Variants in ITIH5 observed in about 807,000 individuals in gnomAD.
ITIH5 encodes the protein inter-alpha-trypsin inhibitor heavy chain 5, also known as inter-alpha-trypsin inhibitor heavy chain H5.
A neutral mutation model predicts 77.5 loss-of-function variants in ITIH5; 65 were observed. That is an observed-to-expected ratio of 0.84 (90% CI 0.69 to 1.03). The LOEUF (loss-of-function observed/expected upper bound fraction) is 1.03. ITIH5 is among the 50% of genes least tolerant of loss of function. The pLI is 0.00. For synonymous variants in ITIH5, 525 were observed against 494.3 expected (o/e 1.06, Z -0.82); for missense variants, 1,208 against 1,213.1 (o/e 1.00, Z 0.06).
intron 2 of ITIH5, among the ~76,000 whole-genome samples, chr10:7,644,829 A>ACATATATAT (rs1833975444): frequency 2.0e-5 from 2 of 102,160 alleles, no homozygotes; most frequent in Non-Finnish European, 4.1e-5. Flanking sequence ...CATATATATC[A>ACATATATAT]CATATATATC....
chr10:7,635,220 G>GTA (rs1833780127), intron 5 of ITIH5, among the ~76,000 whole-genome samples: 1 of 152,214 alleles, frequency 6.6e-6, no homozygotes, highest in Admixed American at 6.5e-5. Flanking sequence ...TCTTATTACA[G>GTA]AGGTAAGTTT....
intron 7 of ITIH5, among the ~76,000 whole-genome samples, chr10:7,588,453 G>T (rs991950987): frequency 2.0e-5 from 3 of 152,248 alleles, no homozygotes; most frequent in African/African-American, 7.2e-5. Context: ...GGGAGGCGGA[G>T]ATTGCAGTGA....
At chr10:7,634,584 C>G (rs1246454677) in intron 5 of ITIH5, among the ~76,000 whole-genome samples, 1 of 152,084 alleles carries the variant, frequency 6.6e-6, no homozygotes, top group Non-Finnish European at 1.5e-5. Flanking sequence ...TAACAGGCCC[C>G]GAATATAAAC....
intron 7 of ITIH5, among the ~76,000 whole-genome samples, chr10:7,591,542 G>A (rs1453652312): frequency 1.3e-5 from 2 of 152,026 alleles, no homozygotes; most frequent in African/African-American, 2.4e-5. Flanking sequence ...CAATGTCCAC[G>A]CTGTGCCGCC....
intron 3 of ITIH5, 84 bp downstream of exon 3, chr10:7,641,843 T>A: frequency 9.0e-7 from 1 of 1,115,712 alleles, no homozygotes; most frequent in South Asian, 1.4e-5. Flanking sequence ...ATCCTCACAG[T>A]CACAAGGCTG....
Position 7,576,879 on chromosome 10 carries a change from G to C in ITIH5, c.1552C>G (p.Leu518Val). The C allele has an allele frequency of 1.2e-6, 2 of 1,614,186 alleles. No homozygotes were observed. Among genetic ancestry groups the C allele is most frequent in the South Asian group, 2.2e-5 (2 of 91,072 alleles). Reference sequence around the variant, plus strand: ...AGGTGATCCAGCTTCCTGTCCACCAGCTTCCCCGCAATGATGATCTCCGAG... The same window carrying C: ...AGGTGATCCAGCTTCCTGTCCACCACCTTCCCCGCAATGATGATCTCCGAG... Reference protein sequence around the residue: ...NGSEIIIAGKLVDRKLDHLHV... With the variant: ...NGSEIIIAGKVVDRKLDHLHV... The change falls in exon 10 of 14, where the codon CTG becomes GTG. Residue 518 changes from leucine to valine, a missense_variant. Leu to Val is a conservative substitution (Grantham distance 32). Transcript: ENST00000397146.
intron 2 of ITIH5, 41 bp from the exon 3 acceptor site, chr10:7,642,131 A>G (rs753529345): frequency 6.5e-7 from 1 of 1,533,158 alleles, no homozygotes. Context: ...GTGATGCATG[A>G]AAGCATTTTG....
intron 7 of ITIH5, among the ~76,000 whole-genome samples, chr10:7,606,233 C>G (rs1833122860): frequency 6.6e-6 from 1 of 152,228 alleles, no homozygotes; most frequent in Admixed American, 6.5e-5. Context: ...CCTACTCAAT[C>G]CAGCCAGCCC....
At chr10:7,582,867 T>G (rs1588373052) in intron 8 of ITIH5, among the ~76,000 whole-genome samples, 1 of 151,968 alleles carries the variant, frequency 6.6e-6, no homozygotes, top group Non-Finnish European at 1.5e-5. Context: ...GGGGCAGAAG[T>G]AGGGATAGTT....
At chr10:7,580,224 G>A (rs947244695) in intron 8 of ITIH5, among the ~76,000 whole-genome samples, 160 bp from the exon 9 acceptor site, 5 of 152,252 alleles carry the variant, frequency 3.3e-5, no homozygotes, top group South Asian at 2.1e-4. Context: ...AGGTTCAAGC[G>A]ATTCTCCCGC....
rs189455913 is a variant in ITIH5 at position 7,651,794 on chromosome 10, A to G, written c.135+3837T>C. Among the ~76,000 whole-genome samples, 385 of 151,992 alleles carry G rather than the reference A, an allele frequency of 2.5e-3. 3 individuals are homozygous for G. The highest frequency in any genetic ancestry group is 3.9e-3 in the East Asian group (20 of 5,178). On this transcript the variant is annotated intron_variant, in intron 2 of 13. Transcript: ENST00000397146. ...CCCATTCCTTCCCATGAAAACCCCA[A>G]TGCAGGCTCTGAGACACACACTGTC...
At chr10:7,627,537 T>G (rs57600324) in intron 5 of ITIH5, among the ~76,000 whole-genome samples, 29,544 of 152,106 alleles carry the variant, frequency 0.19, 3,726 homozygotes, top group African/African-American at 0.36. Context: ...TTTTCAGTGG[T>G]TCTCTTCTTT....
intron 5 of ITIH5, among the ~76,000 whole-genome samples, chr10:7,627,434 C>T (rs1833602474): frequency 1.3e-5 from 2 of 152,048 alleles, no homozygotes; most frequent in Non-Finnish European, 1.5e-5. Flanking sequence ...GGGACTTGAC[C>T]TTGCGGGATG....
intron 7 of ITIH5, among the ~76,000 whole-genome samples, chr10:7,587,251 A>C (rs1015611237): frequency 1.3e-5 from 2 of 152,070 alleles, no homozygotes; most frequent in East Asian, 1.9e-4. Flanking sequence ...GAATGGAAAG[A>C]AGAAAGAAGC....
At chr10:7,603,712 C>T (rs1427290818) in intron 7 of ITIH5, among the ~76,000 whole-genome samples, 2 of 151,982 alleles carry the variant, frequency 1.3e-5, no homozygotes, top group African/African-American at 2.4e-5. Context: ...GCCTCCCGAG[C>T]AGCTGGGACT....
intron 2 of ITIH5, among the ~76,000 whole-genome samples, chr10:7,644,908 T>TA (rs1283253386): frequency 2.7e-5 from 1 of 37,720 alleles, no homozygotes; most frequent in Non-Finnish European, 6.2e-5. Context: ...CACATATATA[T>TA]ATCACATATA....
At chr10:7,610,644 C>T (rs919648042) in intron 7 of ITIH5, among the ~76,000 whole-genome samples, 2 of 152,230 alleles carry the variant, frequency 1.3e-5, no homozygotes, top group African/African-American at 4.8e-5. Context: ...TAATTGTCCT[C>T]TTCACCAATA....
intron 11 of ITIH5, among the ~76,000 whole-genome samples, chr10:7,570,583 G>A (rs910633171): frequency 2.6e-5 from 4 of 152,162 alleles, no homozygotes; most frequent in Non-Finnish European, 5.9e-5. Context: ...CCAGATTGGA[G>A]ATTTACCTTC....
chr10:7,641,824 G>A, intron 3 of ITIH5, 103 bp downstream of exon 3: 1 of 894,788 alleles, frequency 1.1e-6, no homozygotes, highest in Non-Finnish European at 1.8e-6. Context: ...ACCATCTACT[G>A]GAATATAAAT....
Sources: allele counts gnomAD v4.1 joint callset (sites outside exome capture counted in the v4.1 genomes callset), GRCh38; gene constraint gnomAD v4.1.1; transcripts MANE v1.5; gene names NCBI Gene and HGNC (gene_info 2026-07-23, HGNC 2026-07-21).